TENM1: variants seen among roughly 807,000 people sequenced by gnomAD.
TENM1 encodes the protein teneurin transmembrane protein 1, also known as teneurin-1.
Under a neutral mutation model 174.8 loss-of-function variants are expected in TENM1, and 35 were observed. That is an observed-to-expected ratio of 0.20 (90% CI 0.15 to 0.27). The LOEUF (loss-of-function observed/expected upper bound fraction) is 0.27, where lower values mean the gene tolerates loss of function less well. Among genes scored for constraint, TENM1 ranks in the 10% least tolerant of loss-of-function variants. TENM1 has a pLI of 1.00. For missense variants in TENM1, 1,633 were observed against 2,130.1 expected, an observed-to-expected ratio of 0.77 and a Z score of 4.59; for synonymous variants, 781 against 798.7, an observed-to-expected ratio of 0.98 and a Z score of 0.37.
At chrX:124,934,875 C>A (rs1244570201) in intron 1 of TENM1, among the ~76,000 whole-genome samples, 2 of 110,565 alleles carry the variant, frequency 1.8e-5, no homozygotes, top group Non-Finnish European at 3.8e-5. Flanking sequence ...TAAATATCTC[C>A]CTGTATGTTA....
chrX:124,905,680 A>C (rs1209316062), intron 1 of TENM1, among the ~76,000 whole-genome samples: 1 of 111,698 alleles, frequency 9.0e-6, no homozygotes, highest in Admixed American at 9.5e-5. Flanking sequence ...TGAGTTGAGA[A>C]GACTAAGCTG....
intron 3 of TENM1, among the ~76,000 whole-genome samples, chrX:124,801,484 C>T (rs1184815121): frequency 7.2e-5 from 8 of 111,758 alleles, no homozygotes; most frequent in Non-Finnish European, 1.9e-5. Context: ...TGTGTCTTTG[C>T]ATGTAAGATG....
exon 22 of TENM1, chrX:124,481,862 A>T: frequency 8.3e-7 from 1 of 1,207,456 alleles, no homozygotes. Flanking sequence ...TCGTCTCCAC[A>T]AGAGATTTCA....
the TENM1 span, among the ~76,000 whole-genome samples, chrX:125,104,012 AC>A: frequency 8.9e-6 from 1 of 112,005 alleles, no homozygotes; most frequent in Non-Finnish European, 1.9e-5. Context: ...AAAAGACTTA[AC>A]TACAGTAAAC....
chrX:124,959,205 C>CA lies in TENM1; in HGVS notation c.217+4331dup, dbSNP rs772043234. ...ACAATAAAGAGGATTCCAGATCTTA[C>CA]AAAAAAAGATGATAATTAGGCCCAC... On this transcript the variant is annotated intron_variant, in intron 1 of 31. Coordinates refer to ENST00000422452, the Ensembl canonical transcript of TENM1. Among the ~76,000 whole-genome samples the CA allele has an allele frequency of 2.9e-3, 321 of 110,965 alleles. 1 individual carries two copies. In the Middle Eastern group the frequency reaches 0.033, roughly 11 times the overall value.
At chrX:124,612,778 TATCTATCTATCTATATC>T (rs1467764425) in intron 11 of TENM1, among the ~76,000 whole-genome samples, 13 of 110,773 alleles carry the variant, frequency 1.2e-4, no homozygotes, top group African/African-American at 4.3e-4. Context: ...TTCTCCCAAC[TATCTATCTATCTATATC>T]ATCTATCTAT....
At chrX:124,749,332 G>A (rs1250359022) in intron 3 of TENM1, among the ~76,000 whole-genome samples, 1 of 111,543 alleles carries the variant, frequency 9.0e-6, no homozygotes, top group African/African-American at 3.3e-5. Context: ...AATGATCTGG[G>A]GGTATACATG....
chrX:124,888,986 T>C (rs2057432622), intron 3 of TENM1, among the ~76,000 whole-genome samples: 2 of 112,443 alleles, frequency 1.8e-5, no homozygotes, highest in South Asian at 7.3e-4. Flanking sequence ...TCTTAACCAC[T>C]TACTATACAG....
intron 23 of TENM1, among the ~76,000 whole-genome samples, chrX:124,439,053 T>C (rs775685158): frequency 9.0e-6 from 1 of 111,528 alleles, no homozygotes; most frequent in East Asian, 2.8e-4. Context: ...ACAGAAGTCA[T>C]TAGTTAGATG....
intron 3 of TENM1, among the ~76,000 whole-genome samples, chrX:124,752,093 T>A (rs2054088557): frequency 9.0e-6 from 1 of 111,037 alleles, no homozygotes; most frequent in Non-Finnish European, 1.9e-5. Context: ...GTTGAACTAG[T>A]TTACAGTCCC....
At chrX:124,942,408 C>T (rs1377718397) in intron 1 of TENM1, among the ~76,000 whole-genome samples, 3 of 111,780 alleles carry the variant, frequency 2.7e-5, no homozygotes, top group Non-Finnish European at 5.6e-5. Flanking sequence ...GTGCTTAAAG[C>T]ACACTAAAGT....
chrX:124,908,711 C>T (rs2057788526), intron 1 of TENM1, among the ~76,000 whole-genome samples: 1 of 111,209 alleles, frequency 9.0e-6, no homozygotes, highest in Non-Finnish European at 1.9e-5. Context: ...GATTTACTTT[C>T]TTCTTCCTCT....
the TENM1 span, among the ~76,000 whole-genome samples, chrX:125,093,942 T>A: frequency 5.8e-4 from 65 of 112,103 alleles, no homozygotes; most frequent in African/African-American, 1.9e-3. Context: ...TGGAAACTGA[T>A]TGCCAGGTCT....
chrX:125,084,187 T>C, the TENM1 span, among the ~76,000 whole-genome samples: 23 of 109,892 alleles, frequency 2.1e-4, no homozygotes, highest in African/African-American at 7.6e-4. Flanking sequence ...ATGCACAGGA[T>C]TCCTTCATAT....
chrX:124,625,178 CT>C (rs201419077), intron 11 of TENM1, among the ~76,000 whole-genome samples: 1,435 of 111,110 alleles, frequency 0.013, 13 homozygotes, highest in Middle Eastern at 0.028. Flanking sequence ...GTGTTTTTCC[CT>C]TTCATTATAC....
At chrX:124,560,825 AT>A (rs1425987946) in intron 14 of TENM1, among the ~76,000 whole-genome samples, 1 of 111,691 alleles carries the variant, frequency 9.0e-6, no homozygotes, top group Non-Finnish European at 1.9e-5. Flanking sequence ...TTCAAACAAA[AT>A]TTTTTGTTAA....
At chrX:124,625,644 G>A (rs777870832) in intron 11 of TENM1, among the ~76,000 whole-genome samples, 2 of 110,541 alleles carry the variant, frequency 1.8e-5, no homozygotes, top group Non-Finnish European at 3.8e-5. Context: ...GGGAGGCCTC[G>A]GGAAACTTAC....
At chrX:124,547,127 G>T in intron 14 of TENM1, 37 bp from the exon 18 acceptor site, 1 of 1,064,498 alleles carries the variant, frequency 9.4e-7, no homozygotes. Flanking sequence ...TGATTATTTA[G>T]CTTCAAGAGA....
the TENM1 span, among the ~76,000 whole-genome samples, chrX:125,096,882 TA>T: frequency 0.2 from 20,412 of 100,057 alleles, 2,015 homozygotes; most frequent in African/African-American, 0.36. Context: ...AGTAATGATT[TA>T]AAAAAAAAAA....
Sources: allele counts gnomAD v4.1 joint callset (sites outside exome capture counted in the v4.1 genomes callset), GRCh38; gene constraint gnomAD v4.1.1; transcripts MANE v1.5; gene names NCBI Gene and HGNC (gene_info 2026-07-23, HGNC 2026-07-21).